MFSD6: variants seen among roughly 807,000 people sequenced by gnomAD.
MFSD6 encodes major facilitator superfamily domain-containing protein 6.
A neutral mutation model predicts 56.3 loss-of-function variants in MFSD6; 26 were observed. The observed-to-expected ratio is 0.46, with a 90% CI of 0.34 to 0.64. MFSD6 has a LOEUF of 0.64. Ranked by LOEUF, MFSD6 falls within the 30% of genes least tolerant of loss-of-function variation. The pLI is 0.01. For synonymous variants in MFSD6, 331 were observed against 366.9 expected (o/e 0.90, Z 1.12); for missense variants, 750 against 986.2 (o/e 0.76, Z 3.21).
rs1409053349 is a variant in MFSD6, at chr2:190,487,368, G to T, written c.1631-1289G>T. ...CAAAACAAAACAAAACATAAAAATT[G>T]TTATATCCTTTGAATCATTAACCCC... On this transcript the variant is annotated intron_variant, in intron 4 of 7. Transcript: ENST00000392328. This position sits in a 1 kb window ranked among gnomAD's most constrained non-coding sequence, Gnocchi z 5.5. Among the ~76,000 whole-genome samples, 1 of 151,954 alleles carries T rather than the reference G, an allele frequency of 6.6e-6. No homozygotes were observed. The highest frequency in any genetic ancestry group is 1.5e-5 in the Non-Finnish European group (1 of 67,978).
chr2:190,482,961 G>A (rs1324109996), intron 4 of MFSD6, among the ~76,000 whole-genome samples: 2 of 129,132 alleles, frequency 1.5e-5, no homozygotes, highest in African/African-American at 5.8e-5. Context: ...GCGCAATCTC[G>A]GCTCACTGCA....
rs1002895488 is a variant in MFSD6, at chr2:190,438,545, T to C, written c.1532+984T>C. On this transcript the variant is annotated intron_variant, in intron 3 of 7. Transcript: ENST00000392328. This position sits in a 1 kb window ranked among gnomAD's most constrained non-coding sequence, Gnocchi z 5.2. ...AAGAGAACACCCTGTAAGTGCCTAG[T>C]GTTTCTTGTTGTGTACTATTTCTTC... Among the ~76,000 whole-genome samples the C allele has an allele frequency of 2.0e-5, 3 of 152,140 alleles. No homozygotes were observed. Among genetic ancestry groups the C allele is most frequent in the African/African-American group, 7.2e-5 (3 of 41,440 alleles).
chr2:190,471,700 C>G lies in MFSD6; in HGVS notation c.1630+1845C>G, dbSNP rs1052229633. Among the ~76,000 whole-genome samples, 1 of 152,208 alleles carries G rather than the reference C, an allele frequency of 6.6e-6. No individual in the cohort carries two copies. Among genetic ancestry groups the G allele is most frequent in the Non-Finnish European group, 1.5e-5 (1 of 68,044 alleles). Reference sequence around the variant, plus strand: ...TAGCCAAACAAAAGGCAGCAGAAACCTCTGCAGACTTAAATGTCCCTGTCT... The same window carrying G: ...TAGCCAAACAAAAGGCAGCAGAAACGTCTGCAGACTTAAATGTCCCTGTCT... On this transcript the variant is annotated intron_variant, in intron 4 of 7. Coordinates refer to ENST00000392328, the MANE Select transcript of MFSD6 (RefSeq NM_017694.4). The surrounding 1 kb of genome is among the most constrained non-coding windows in gnomAD (Gnocchi z 4.7).
Position 190,488,082 on chromosome 2 carries a change from T to C in MFSD6, c.1631-575T>C, listed in dbSNP as rs888893447. 6.6e-6 allele frequency among the ~76,000 whole-genome samples: 1 copy of C among 152,252 alleles called. No individual in the cohort carries two copies. Among genetic ancestry groups the C allele is most frequent in the Non-Finnish European group, 1.5e-5 (1 of 68,010 alleles). On this transcript the variant is annotated intron_variant, in intron 4 of 7. Transcript: ENST00000392328. The surrounding 1 kb of genome is among the most constrained non-coding windows in gnomAD (Gnocchi z 6.4). Reference sequence around the variant, plus strand: ...CACGCCAGGCTAATTTTTTGTATTTTAGTAGAGACAGGGTTTCACCATGTT... The same window carrying C: ...CACGCCAGGCTAATTTTTTGTATTTCAGTAGAGACAGGGTTTCACCATGTT...
In MFSD6 at chr2:190,495,415, C is replaced by T. The variant is rs1227374829; in HGVS notation, c.1892-2024C>T. 6.6e-6 allele frequency among the ~76,000 whole-genome samples: 1 copy of T among 152,032 alleles called. No individual in the cohort carries two copies. Among genetic ancestry groups the T allele is most frequent in the Non-Finnish European group, 1.5e-5 (1 of 67,988 alleles). On this transcript the variant is annotated intron_variant, in intron 6 of 7. Transcript: ENST00000392328. The surrounding 1 kb of genome is among the most constrained non-coding windows in gnomAD (Gnocchi z 4.7). ...GTAGAATCAATATTGTGAAAATGAC[C>T]ATACTGCTAAAAGCAATCTACAAAT...
chr2:190,488,354 A>G lies in MFSD6; in HGVS notation c.1631-303A>G, dbSNP rs760225647. Among the ~76,000 whole-genome samples the G allele has an allele frequency of 6.6e-6, 1 of 152,212 alleles. No homozygotes were observed. The highest frequency in any genetic ancestry group is 1.5e-5 in the Non-Finnish European group (1 of 68,022). On this transcript the variant is annotated intron_variant, in intron 4 of 7. Transcript: ENST00000392328. The surrounding 1 kb of genome is among the most constrained non-coding windows in gnomAD (Gnocchi z 6.4). ...TCACATTCAAGAGACAGGAAGTAGA[A>G]TGGTGGTTGTCAGGGGATGGGACAA...
In MFSD6 at chr2:190,443,496, C is replaced by A. The variant is rs1347424384; in HGVS notation, c.1532+5935C>A. ...TATTATGCTGTTTATAACTACAAGA[C>A]CCATTGAAGTTGATAAAAATACAAG... is the stretch of plus-strand genomic sequence containing the variant. On this transcript the variant is annotated intron_variant, in intron 3 of 7. Transcript: ENST00000392328. The surrounding 1 kb of genome is among the most constrained non-coding windows in gnomAD (Gnocchi z 4.2). Among the ~76,000 whole-genome samples the A allele has an allele frequency of 2.0e-5, 3 of 152,022 alleles. No individual in the cohort carries two copies. Among genetic ancestry groups the A allele is most frequent in the Admixed American group, 2.0e-4 (3 of 15,256 alleles).
chr2:190,458,939 A>G lies in MFSD6; in HGVS notation c.1533-10819A>G, dbSNP rs1368592360. On this transcript the variant is annotated intron_variant, in intron 3 of 7. Coordinates refer to ENST00000392328, the MANE Select transcript of MFSD6 (RefSeq NM_017694.4). This position sits in a 1 kb window ranked among gnomAD's most constrained non-coding sequence, Gnocchi z 5.3. ...GATCAAGTTCAGCTGAGAACAGAGAATCATGCTTAGTTTCTGCTTAGCAGA... is the reference window on the plus strand; with the variant it reads ...GATCAAGTTCAGCTGAGAACAGAGAGTCATGCTTAGTTTCTGCTTAGCAGA... Among the ~76,000 whole-genome samples, 1 of 152,190 alleles carries G rather than the reference A, an allele frequency of 6.6e-6. No homozygotes were observed. The highest frequency in any genetic ancestry group is 2.4e-5 in the African/African-American group (1 of 41,448).
rs1339319255 is a variant in MFSD6, at chr2:190,471,264, G to A, written c.1630+1409G>A. Among the ~76,000 whole-genome samples the A allele has an allele frequency of 2.6e-5, 4 of 152,160 alleles. No homozygotes were observed. The highest frequency in any genetic ancestry group is 2.1e-4 in the South Asian group (1 of 4,822). ...GGGTGCAGGATAGTGGGTGCAGCGC[G>A]GTGAGCGTGAGCTGAAGCAGGGCGA... On this transcript the variant is annotated intron_variant, in intron 4 of 7. Transcript: ENST00000392328. The surrounding 1 kb of genome is among the most constrained non-coding windows in gnomAD (Gnocchi z 4.7).
intron 3 of MFSD6, among the ~76,000 whole-genome samples, chr2:190,442,149 T>C (rs1686404226): frequency 6.6e-6 from 1 of 152,360 alleles, no homozygotes; most frequent in East Asian, 1.9e-4. Flanking sequence ...ACAATAAAAA[T>C]GTTTTAAAAG....
Position 190,469,764 on chromosome 2 carries a change from G to A in MFSD6, c.1539G>A (p.Leu513=). 6.4e-7 allele frequency: 1 copy of A among 1,569,436 alleles called. No homozygotes were observed. The highest frequency in any genetic ancestry group is 1.4e-5 in the African/African-American group (1 of 73,138). The stretch of plus-strand genomic sequence containing the variant: ...ATTTTTTATTTTTTTTTAGGGTTCT[G>A]TACATTGGCCTGGCCTGCAATACGG... ...LIELIGHIRV[L]YIGLACNTAR... Residue 513 remains leucine, a synonymous_variant, in exon 4 of 8, where the codon CTG becomes CTA. Coordinates refer to ENST00000392328, the MANE Select transcript of MFSD6 (RefSeq NM_017694.4). This position sits in a 1 kb window ranked among gnomAD's most constrained non-coding sequence, Gnocchi z 5.3.
chr2:190,420,398 A>G (rs1408329292), intron 2 of MFSD6, among the ~76,000 whole-genome samples: 1 of 151,948 alleles, frequency 6.6e-6, no homozygotes, highest in African/African-American at 2.4e-5. Flanking sequence ...AATCCCATCA[A>G]AAAGGTCCTA....
At chr2:190,428,645 AGAT>A (rs1345689214) in intron 2 of MFSD6, among the ~76,000 whole-genome samples, 1 of 134,110 alleles carries the variant, frequency 7.5e-6, no homozygotes, top group Non-Finnish European at 1.6e-5. Context: ...AAACATTTAG[AGAT>A]GCTTGCTTAT....
intron 2 of MFSD6, among the ~76,000 whole-genome samples, chr2:190,432,926 G>A (rs1214367253): frequency 6.6e-6 from 1 of 150,982 alleles, no homozygotes; most frequent in Non-Finnish European, 1.5e-5. Context: ...GCTAACTCAT[G>A]AGCCTTTCAG....
At position 190,417,328 on chromosome 2, in the gene MFSD6, T is replaced by G. The variant is rs1690818978; in HGVS notation, c.-54+1915T>G. On this transcript the variant is annotated intron_variant, in intron 2 of 7. Transcript: ENST00000392328. The surrounding 1 kb of genome is among the most constrained non-coding windows in gnomAD (Gnocchi z 5.7). ...TGGGAAATCCTTAGCAAGGTCACAG[T>G]AGCAAAACCCTGCCAATCTATTCAT... Among the ~76,000 whole-genome samples, 1 of 152,194 alleles carries G rather than the reference T, an allele frequency of 6.6e-6. No individual in the cohort carries two copies. The highest frequency in any genetic ancestry group is 1.5e-5 in the Non-Finnish European group (1 of 68,040).
At chr2:190,470,103 G>C (rs749691492) in intron 4 of MFSD6, among the ~76,000 whole-genome samples, 5 of 152,190 alleles carry the variant, frequency 3.3e-5, no homozygotes, top group African/African-American at 4.8e-5. Flanking sequence ...AAAGGAAGAG[G>C]AACTCTAGAA....
intron 4 of MFSD6, among the ~76,000 whole-genome samples, chr2:190,476,817 G>A (rs1035459583): frequency 3.9e-5 from 6 of 152,020 alleles, no homozygotes; most frequent in African/African-American, 7.2e-5. Context: ...ATGTCCAACA[G>A]TGATAGACTG....
chr2:190,450,399 A>G (rs964516371), intron 3 of MFSD6, among the ~76,000 whole-genome samples: 1 of 151,722 alleles, frequency 6.6e-6, no homozygotes, highest in Non-Finnish European at 1.5e-5. Flanking sequence ...ATACTGAGCA[A>G]TTCTTACCTT....
In MFSD6 at chr2:190,497,417, T is replaced by G; in HGVS notation, c.1892-22T>G. 6.2e-7 allele frequency: 1 copy of G among 1,604,464 alleles called. No homozygotes were observed. On this transcript the variant is annotated intron_variant, in intron 6 of 7. Coordinates refer to ENST00000392328, the MANE Select transcript of MFSD6 (RefSeq NM_017694.4). The surrounding 1 kb of genome is among the most constrained non-coding windows in gnomAD (Gnocchi z 5.2). ...ATGTAGAAAATGCTGAAAAAATAGT[T>G]TAAACATTCTTTTCTCTCCAGACAA...
Sources: allele counts gnomAD v4.1 joint callset (sites outside exome capture counted in the v4.1 genomes callset), GRCh38; gene constraint gnomAD v4.1.1; non-coding constraint Gnocchi (gnomAD v3.1); transcripts MANE v1.5; gene names NCBI Gene and HGNC (gene_info 2026-07-23, HGNC 2026-07-21).